The following SLC25A21 variants were observed in gnomAD, a reference collection of about 807,000 sequenced individuals.
SLC25A21 encodes solute carrier family 25 member 21.
Under a neutral mutation model 43.8 loss-of-function variants are expected in SLC25A21, and 47 were observed. The observed-to-expected ratio is 1.07, with a 90% confidence interval of 0.85 to 1.37. The LOEUF is 1.37. Ranked by LOEUF, SLC25A21 falls within the 40% of genes most tolerant of loss-of-function variation. The probability of loss-of-function intolerance (pLI) is 0.00; values close to 1 mark genes in which losing one functional copy is unlikely to be tolerated. For missense variants in SLC25A21, 352 were observed against 350.2 expected, an observed-to-expected ratio of 1.00 and a Z score of -0.04; for synonymous variants, 131 against 121.3, an observed-to-expected ratio of 1.08 and a Z score of -0.52.
intron 1 of SLC25A21, among the ~76,000 whole-genome samples, chr14:37,135,482 C>A (rs1194695443): frequency 6.6e-6 from 1 of 152,178 alleles, no homozygotes; most frequent in Non-Finnish European, 1.5e-5. Flanking sequence ...CCACCCTCGG[C>A]CTCCCAAAGT....
At chr14:36,983,539 A>C (rs1313827516) in intron 1 of SLC25A21, among the ~76,000 whole-genome samples, 6 of 152,240 alleles carry the variant, frequency 3.9e-5, no homozygotes, top group Admixed American at 3.9e-4. Flanking sequence ...AATGCTGGTG[A>C]AAATGTAAGT....
At chr14:36,724,572 TTCC>T (rs1390415203) in intron 6 of SLC25A21, among the ~76,000 whole-genome samples, 4 of 152,236 alleles carry the variant, frequency 2.6e-5, no homozygotes, top group Non-Finnish European at 4.4e-5. Context: ...TCCCCTTGTT[TTCC>T]TCCTACCTTG....
At position 36,840,112 on chromosome 14, in the gene SLC25A21, C is replaced by G. The variant is rs1415560506; in HGVS notation, c.120-26111G>C. Among the ~76,000 whole-genome samples the G allele has an allele frequency of 3.3e-5, 5 of 152,154 alleles. 1 individual carries two copies. Among genetic ancestry groups the G allele is most frequent in the Non-Finnish European group, 7.4e-5 (5 of 68,020 alleles). The stretch of plus-strand genomic sequence containing the variant: ...CACAGGTGGCCTTCCACAGGGAAAC[C>G]AGAGCTCACGGAACTAACTCCCGGA... On this transcript the variant is annotated intron_variant, in intron 2 of 9. Coordinates refer to ENST00000331299, the MANE Select transcript of SLC25A21 (RefSeq NM_030631.4).
intron 1 of SLC25A21, among the ~76,000 whole-genome samples, chr14:37,045,643 T>G (rs953168729): frequency 2.0e-5 from 3 of 152,184 alleles, no homozygotes. Flanking sequence ...TGTGTTGCAG[T>G]CTCCGTTTGG....
At chr14:37,144,547 A>AG (rs1963626457) in intron 1 of SLC25A21, among the ~76,000 whole-genome samples, 1 of 152,188 alleles carries the variant, frequency 6.6e-6, no homozygotes, top group African/African-American at 2.4e-5. Flanking sequence ...CTCCATTTTC[A>AG]GGGGTGGCAG....
At chr14:37,015,376 A>C (rs1338467509) in intron 1 of SLC25A21, among the ~76,000 whole-genome samples, 2 of 151,624 alleles carry the variant, frequency 1.3e-5, no homozygotes, top group East Asian at 1.9e-4. Flanking sequence ...TGAACTCATC[A>C]TTTTTTATGG....
chr14:36,731,838 T>C (rs1488179838), intron 4 of SLC25A21, among the ~76,000 whole-genome samples: 1 of 152,182 alleles, frequency 6.6e-6, no homozygotes, highest in Non-Finnish European at 1.5e-5. Flanking sequence ...CTGTGGACTC[T>C]GGCTGCCCTG....
rs113916428 is a variant in SLC25A21, at chr14:36,729,515, G to A, written c.322C>T (p.Pro108Ser). The change falls in exon 5 of 10, where the codon CCA (proline) becomes TCA (serine). Residue 108 changes from proline (P) to serine (S), a missense_variant. Pro to Ser is a moderately conservative substitution (Grantham distance 74, BLOSUM62 -1). Coordinates refer to ENST00000331299, the MANE Select transcript of SLC25A21 (RefSeq NM_030631.4). ...KKLLGYVSLS[P>S]ALTFAIAGLG... ...TAAATACTCTCACTTACCAATGCTGGTGACAGTGACACATATCCCAGCAAT... is the reference window on the plus strand; with the variant it reads ...TAAATACTCTCACTTACCAATGCTGATGACAGTGACACATATCCCAGCAAT... 22 of 1,606,696 alleles carry A rather than the reference G, an allele frequency of 1.4e-5. No homozygotes were observed. The African/African-American group carries it at 2.5e-4, about 19-fold the overall frequency.
chr14:37,019,815 T>A (rs1172066025), intron 1 of SLC25A21, among the ~76,000 whole-genome samples: 1 of 151,714 alleles, frequency 6.6e-6, no homozygotes, highest in Non-Finnish European at 1.5e-5. Context: ...CTAAGGAGGC[T>A]TTGATCATCC....
At chr14:36,906,424 A>G (rs1891535057) in intron 1 of SLC25A21, among the ~76,000 whole-genome samples, 1 of 152,142 alleles carries the variant, frequency 6.6e-6, no homozygotes, top group East Asian at 1.9e-4. Context: ...CACAGTGCCT[A>G]TGGTTGTAGA....
intron 1 of SLC25A21, among the ~76,000 whole-genome samples, chr14:36,958,339 C>G (rs1959395636): frequency 6.6e-6 from 1 of 152,112 alleles, no homozygotes; most frequent in African/African-American, 2.4e-5. Context: ...AAGTTTTGTC[C>G]CATGTAATTG....
intron 1 of SLC25A21, among the ~76,000 whole-genome samples, chr14:37,076,836 G>A (rs1962291533): frequency 6.6e-6 from 1 of 152,150 alleles, no homozygotes; most frequent in Non-Finnish European, 1.5e-5. Flanking sequence ...CATGGAACAT[G>A]GGGAAGGGTA....
intron 1 of SLC25A21, among the ~76,000 whole-genome samples, chr14:36,909,114 G>A (rs1007513631): frequency 6.6e-6 from 1 of 151,438 alleles, no homozygotes; most frequent in Non-Finnish European, 1.5e-5. Flanking sequence ...GGAGGGAGAA[G>A]GAATAGATAA....
chr14:36,995,016 T>A (rs1404166579), intron 1 of SLC25A21, among the ~76,000 whole-genome samples: 1 of 152,192 alleles, frequency 6.6e-6, no homozygotes, highest in Non-Finnish European at 1.5e-5. Context: ...CTTTCCGTTT[T>A]CCCTGATCCT....
chr14:36,813,913 C>A lies in SLC25A21; in HGVS notation c.203+5G>T, dbSNP rs1192633497. The A allele has an allele frequency of 5.7e-6, 9 of 1,566,316 alleles. No individual in the cohort carries two copies. Among genetic ancestry groups the A allele is most frequent in the Non-Finnish European group, 7.9e-6 (9 of 1,142,044 alleles). The stretch of plus-strand genomic sequence containing the variant: ...TTAAAATGGCTATATGAAGAATATA[C>A]ATACCCTTCCATTTGGAAAATCATT... On this transcript the variant is annotated splice_donor_5th_base_variant and intron_variant, in intron 3 of 9. Coordinates refer to ENST00000331299, the MANE Select transcript of SLC25A21 (RefSeq NM_030631.4).
intron 1 of SLC25A21, among the ~76,000 whole-genome samples, chr14:37,154,696 G>A (rs1163716836): frequency 6.6e-6 from 1 of 150,692 alleles, no homozygotes; most frequent in Non-Finnish European, 1.5e-5. Context: ...AGGCTGGAGT[G>A]CGATAGCATG....
chr14:36,850,729 A>G (rs891456721), intron 2 of SLC25A21, among the ~76,000 whole-genome samples: 3 of 152,196 alleles, frequency 2.0e-5, no homozygotes, highest in African/African-American at 4.8e-5. Context: ...AGCACAGGGC[A>G]CGAAAGCCTG....
intron 9 of SLC25A21, 80 bp from the exon 10 acceptor site, chr14:36,680,799 A>C: frequency 7.5e-7 from 1 of 1,330,042 alleles, no homozygotes; most frequent in Non-Finnish European, 1.1e-6. Context: ...TGAATCCATG[A>C]TGTCTCGCAC....
intron 5 of SLC25A21, among the ~76,000 whole-genome samples, chr14:36,727,048 T>A (rs1375623403): frequency 6.6e-6 from 1 of 152,202 alleles, no homozygotes; most frequent in Non-Finnish European, 1.5e-5. Context: ...GCTGTGTGAC[T>A]AGAACTGTAA....
Sources: allele counts gnomAD v4.1 joint callset (sites outside exome capture counted in the v4.1 genomes callset), GRCh38; gene constraint gnomAD v4.1.1; transcripts MANE v1.5; gene names NCBI Gene and HGNC (gene_info 2026-07-23, HGNC 2026-07-21).